Variants in FAT3 observed in about 807,000 individuals in gnomAD.
The protein encoded by FAT3 is protocadherin Fat 3.
Under a neutral mutation model 310.2 loss-of-function variants are expected in FAT3, and 95 were observed. The observed-to-expected ratio is 0.31, with a 90% CI of 0.26 to 0.36. The LOEUF (loss-of-function observed/expected upper bound fraction) is 0.36, where lower values mean the gene tolerates loss of function less well. FAT3 is among the 10% of genes least tolerant of loss of function. The pLI is 1.00. For synonymous variants in FAT3, 2,314 were observed against 2,192.9 expected (o/e 1.06, Z -1.54); for missense variants, 5,408 against 5,715.6 (o/e 0.95, Z 1.74).
intron 4 of FAT3, among the ~76,000 whole-genome samples, chr11:92,716,776 AAG>A (rs1370470951): frequency 6.6e-6 from 1 of 152,218 alleles, no homozygotes; most frequent in African/African-American, 2.4e-5. Context: ...ATGGAATCTA[AAG>A]AGAGATTCAT....
chr11:92,390,628 T>C (rs141445050), intron 2 of FAT3, among the ~76,000 whole-genome samples: 97 of 152,246 alleles, frequency 6.4e-4, no homozygotes, highest in African/African-American at 2.2e-3. Context: ...ATTCTCCTTT[T>C]TCTATAAGGA....
intron 2 of FAT3, among the ~76,000 whole-genome samples, chr11:92,454,877 T>A (rs1026380124): frequency 2.6e-5 from 4 of 152,168 alleles, no homozygotes; most frequent in African/African-American, 7.2e-5. Context: ...TTAATAGGCA[T>A]CATCTGTTTT....
intron 1 of FAT3, among the ~76,000 whole-genome samples, chr11:92,232,046 A>G (rs1864205315): frequency 6.6e-6 from 1 of 152,186 alleles, no homozygotes; most frequent in South Asian, 2.1e-4. Flanking sequence ...TAATGATAGC[A>G]GTTGCTGTTG....
At chr11:92,572,371 C>G (rs1045369246) in intron 3 of FAT3, among the ~76,000 whole-genome samples, 3 of 152,158 alleles carry the variant, frequency 2.0e-5, no homozygotes, top group African/African-American at 7.2e-5. Flanking sequence ...AATGATAACC[C>G]TGAACATGTG....
intron 3 of FAT3, among the ~76,000 whole-genome samples, chr11:92,686,574 A>G (rs1943639693): frequency 6.6e-6 from 1 of 152,244 alleles, no homozygotes; most frequent in South Asian, 2.1e-4. Context: ...AATTTAAGAC[A>G]AAAGGGCAAG....
At chr11:92,464,752 A>C (rs1384797790) in intron 2 of FAT3, among the ~76,000 whole-genome samples, 1 of 152,216 alleles carries the variant, frequency 6.6e-6, no homozygotes, top group Non-Finnish European at 1.5e-5. Flanking sequence ...GCTTTCATTT[A>C]AGCCCAGTGT....
At chr11:92,501,973 G>A (rs576650876) in intron 2 of FAT3, among the ~76,000 whole-genome samples, 144 of 152,002 alleles carry the variant, frequency 9.5e-4, no homozygotes, top group Non-Finnish European at 1.8e-3. Flanking sequence ...ATGCACGCGC[G>A]CGTGTGTGTG....
At position 92,352,141 on chromosome 11, in the gene FAT3, G is replaced by A. The variant is rs371534537; in HGVS notation, c.29G>A (p.Gly10Asp). MDIIMGHCVGTRPPACCLIL... is the reference protein window; with the variant it reads MDIIMGHCVDTRPPACCLIL... ...GATATAATTATGGGACACTGTGTGG[G>A]CACACGGCCTCCTGCTTGTTGCCTC... The change falls in exon 2 of 28, where the codon GGC becomes GAC. Residue 10 changes from glycine to aspartate, a missense_variant. Transcript: ENST00000525166. The A allele has an allele frequency of 2.9e-6, 4 of 1,364,188 alleles. No individual in the cohort carries two copies. The highest frequency in any genetic ancestry group is 3.9e-6 in the Non-Finnish European group (4 of 1,020,382). The allele number at this position is 1,364,188 out of a possible 1,614,324, so 84.5% of individuals were successfully genotyped here.
At chr11:92,348,952 T>G (rs1361427532) in intron 1 of FAT3, among the ~76,000 whole-genome samples, 4 of 152,134 alleles carry the variant, frequency 2.6e-5, no homozygotes, top group African/African-American at 9.7e-5. Context: ...GTGTGGTGGG[T>G]GCTGTACTGG....
chr11:92,421,372 G>A (rs1361655511), intron 2 of FAT3, among the ~76,000 whole-genome samples: 1 of 152,166 alleles, frequency 6.6e-6, no homozygotes, highest in Non-Finnish European at 1.5e-5. Flanking sequence ...TAGAGAAGAT[G>A]TCTGGTTCTG....
intron 4 of FAT3, among the ~76,000 whole-genome samples, chr11:92,706,208 T>C (rs1342096077): frequency 6.6e-6 from 1 of 152,080 alleles, no homozygotes; most frequent in Non-Finnish European, 1.5e-5. Flanking sequence ...TAATCCTTTC[T>C]GAGATCTTCC....
chr11:92,846,294 CA>C (rs1948681544), intron 19 of FAT3, among the ~76,000 whole-genome samples: 1 of 152,136 alleles, frequency 6.6e-6, no homozygotes, highest in African/African-American at 2.4e-5. Flanking sequence ...GTGAAGGCAG[CA>C]ATGTCCTAGG....
intron 3 of FAT3, among the ~76,000 whole-genome samples, chr11:92,565,714 G>A (rs1406895829): frequency 2.0e-5 from 3 of 151,048 alleles, no homozygotes; most frequent in African/African-American, 7.3e-5. Flanking sequence ...TCATCCCTGG[G>A]ATGCAAGGCT....
At chr11:92,343,671 G>A (rs914520992) in intron 1 of FAT3, among the ~76,000 whole-genome samples, 2 of 152,270 alleles carry the variant, frequency 1.3e-5, no homozygotes, top group East Asian at 1.9e-4. Flanking sequence ...AAAAAGTTTA[G>A]CACAGCAAAT....
intron 2 of FAT3, among the ~76,000 whole-genome samples, chr11:92,455,415 G>A (rs184162518): frequency 2.6e-4 from 39 of 152,158 alleles, no homozygotes; most frequent in Middle Eastern, 3.4e-3. Context: ...GTGCGGTGTC[G>A]GCTGATATCA....
chr11:92,269,846 C>G (rs943044480), intron 1 of FAT3, among the ~76,000 whole-genome samples: 3 of 152,092 alleles, frequency 2.0e-5, no homozygotes, highest in South Asian at 2.1e-4. Context: ...ATTCAGCAGC[C>G]CATCCAGAAA....
intron 2 of FAT3, among the ~76,000 whole-genome samples, chr11:92,398,272 G>A (rs1267164477): frequency 2.0e-5 from 3 of 151,830 alleles, no homozygotes; most frequent in Non-Finnish European, 2.9e-5. Context: ...AGGCTGAGGC[G>A]GGTGGATCAC....
At chr11:92,441,921 A>G (rs552164893) in intron 2 of FAT3, among the ~76,000 whole-genome samples, 1 of 151,630 alleles carries the variant, frequency 6.6e-6, no homozygotes, top group South Asian at 2.1e-4. Context: ...ACTTAGTCTT[A>G]CCTTCAAATA....
intron 4 of FAT3, among the ~76,000 whole-genome samples, chr11:92,733,730 G>T (rs1050410605): frequency 1.3e-5 from 2 of 151,944 alleles, no homozygotes; most frequent in Non-Finnish European, 2.9e-5. Flanking sequence ...GATGCAAGGG[G>T]GGCAAAAAAG....
Sources: gnomAD v4.1 joint callset for allele counts (sites outside exome capture counted in the v4.1 genomes callset) on GRCh38, gnomAD v4.1.1 for gene constraint, MANE v1.5 for transcripts, NCBI Gene and HGNC (gene_info 2026-07-23, HGNC 2026-07-21) for gene names.